PCBP3: variants seen among roughly 807,000 people sequenced by gnomAD.
PCBP3 encodes poly(rC)-binding protein 3.
Under a neutral mutation model 52.7 loss-of-function variants are expected in PCBP3, and 25 were observed. That is an observed-to-expected ratio of 0.47 (90% CI 0.35 to 0.66). PCBP3 has a LOEUF of 0.66. PCBP3 is among the 30% of genes least tolerant of loss of function. The pLI, the probability that PCBP3 is intolerant of heterozygous loss-of-function variation, is 0.01. For synonymous variants in PCBP3, 162 were observed against 183.0 expected (o/e 0.89, Z 0.93); for missense variants, 391 against 490.3 (o/e 0.80, Z 1.91).
chr21:45,784,417 TACCC>T (rs2090921068), intron 4 of PCBP3, among the ~76,000 whole-genome samples: 1 of 133,932 alleles, frequency 7.5e-6, no homozygotes, highest in African/African-American at 3.0e-5. Flanking sequence ...CCGCTACCGC[TACCC>T]CTACCTCCTA....
intron 3 of PCBP3, chr21:45,750,682 C>A (rs1351421840): frequency 6.6e-6 from 1 of 152,150 alleles, no homozygotes; most frequent in South Asian, 2.1e-4. Flanking sequence ...CTAACCTACC[C>A]AGCCCTGGAG....
rs145569370 is a variant in PCBP3 at position 45,646,724 on chromosome 21, G to A, written c.-279+2856G>A. ...TGCATTGAGGATTACATTTCAGCATGAGTTTTGGAGGGGATATTCTAATCA... is the reference window on the plus strand; with the variant it reads ...TGCATTGAGGATTACATTTCAGCATAAGTTTTGGAGGGGATATTCTAATCA... On this transcript the variant is annotated intron_variant, in intron 1 of 17. Transcript: ENST00000681687. Among the ~76,000 whole-genome samples, 566 of 152,316 alleles carry A rather than the reference G, an allele frequency of 3.7e-3. 2 individuals are homozygous for A. The highest frequency in any genetic ancestry group is 0.013 in the African/African-American group (547 of 41,570).
chr21:45,795,442 A>C (rs949625338), intron 4 of PCBP3, among the ~76,000 whole-genome samples: 67 of 152,290 alleles, frequency 4.4e-4, no homozygotes, highest in African/African-American at 1.4e-3. Flanking sequence ...CAGAAATCAT[A>C]AAGTGCAGTA....
intron 4 of PCBP3, among the ~76,000 whole-genome samples, chr21:45,832,425 C>G (rs1423801501): frequency 6.6e-6 from 1 of 152,190 alleles, no homozygotes; most frequent in East Asian, 1.9e-4. Flanking sequence ...GGGAATGCAG[C>G]CCAACAGGTC....
intron 2 of PCBP3, among the ~76,000 whole-genome samples, chr21:45,728,065 T>G (rs989044796): frequency 5.3e-5 from 8 of 152,246 alleles, no homozygotes; most frequent in Admixed American, 4.6e-4. Flanking sequence ...AGAATTAGAT[T>G]AGTTCAGCTT....
chr21:45,770,881 G>C (rs903624512), intron 4 of PCBP3, among the ~76,000 whole-genome samples: 5 of 152,232 alleles, frequency 3.3e-5, no homozygotes, highest in African/African-American at 1.2e-4. Flanking sequence ...TGCTTTTCAG[G>C]AAGGGCAGGA....
chr21:45,714,046 C>T (rs148302339), intron 2 of PCBP3, among the ~76,000 whole-genome samples: 96 of 152,304 alleles, frequency 6.3e-4, no homozygotes, highest in Non-Finnish European at 1.9e-4. Flanking sequence ...TTTGTCTTTC[C>T]TCTAAGGGCT....
chr21:45,756,068 G>T (rs1009441523), intron 4 of PCBP3, among the ~76,000 whole-genome samples: 2 of 151,984 alleles, frequency 1.3e-5, no homozygotes, highest in African/African-American at 4.8e-5. Flanking sequence ...TTTAAATTAG[G>T]TCTCTGATCT....
At chr21:45,725,926 A>G (rs896137480) in intron 2 of PCBP3, among the ~76,000 whole-genome samples, 1 of 152,114 alleles carries the variant, frequency 6.6e-6, no homozygotes, top group African/African-American at 2.4e-5. Flanking sequence ...TCAGGAGAGC[A>G]GGCCCCCTCT....
chr21:45,854,793 C>G (rs1414747792), intron 5 of PCBP3, among the ~76,000 whole-genome samples: 1 of 152,174 alleles, frequency 6.6e-6, no homozygotes, highest in Non-Finnish European at 1.5e-5. Flanking sequence ...GGAGAAGATG[C>G]TCTTTGATGA....
chr21:45,665,194 G>A (rs1192424852), intron 1 of PCBP3, among the ~76,000 whole-genome samples: 1 of 151,864 alleles, frequency 6.6e-6, no homozygotes, highest in Non-Finnish European at 1.5e-5. Flanking sequence ...TTGAGGCCAG[G>A]AGTTCAAGAC....
At chr21:45,850,795 G>A (rs532398142) in intron 5 of PCBP3, among the ~76,000 whole-genome samples, 3 of 152,324 alleles carry the variant, frequency 2.0e-5, no homozygotes, top group South Asian at 4.1e-4. Flanking sequence ...AAGTCTGTCT[G>A]TAACATAGGG....
chr21:45,676,279 A>C (rs1313249616), intron 2 of PCBP3, among the ~76,000 whole-genome samples: 1 of 152,196 alleles, frequency 6.6e-6, no homozygotes, highest in Non-Finnish European at 1.5e-5. Context: ...TTCAGGCAAA[A>C]GTTAGAATTG....
intron 2 of PCBP3, among the ~76,000 whole-genome samples, chr21:45,696,660 G>T (rs535616256): frequency 1.3e-5 from 2 of 152,040 alleles, no homozygotes; most frequent in South Asian, 4.2e-4. Context: ...GCATGGTGGC[G>T]CACGCCTGTA....
At position 45,896,297 on chromosome 21, in the gene PCBP3, G is replaced by C; in HGVS notation, c.100G>C (p.Glu34Gln). ...TCAGCCACAATTTGGCAGAAGGATG[G>C]AGTCCAAGGTCTCAGAAGGTGGCCT... Reference protein sequence around the residue: ...HPQPQFGRRMESKVSEGGLNV... With the variant: ...HPQPQFGRRMQSKVSEGGLNV... Residue 34 changes from glutamate to glutamine, a missense_variant, in exon 6 of 18, where the codon GAG becomes CAG. By Grantham distance (29) the Glu-to-Gln change is conservative. Coordinates refer to ENST00000681687, the MANE Select transcript of PCBP3 (RefSeq NM_001384156.1). 6.4e-7 allele frequency: 1 copy of C among 1,552,236 alleles called. No individual in the cohort carries two copies. The highest frequency in any genetic ancestry group is 8.7e-7 in the Non-Finnish European group (1 of 1,147,136).
In PCBP3 at chr21:45,805,110, C is replaced by A. The variant is rs532110784; in HGVS notation, c.-125-44851C>A. 6.6e-6 allele frequency among the ~76,000 whole-genome samples: 1 copy of A among 152,298 alleles called. No homozygotes were observed. Among genetic ancestry groups the A allele is most frequent in the African/African-American group, 2.4e-5 (1 of 41,572 alleles). The stretch of plus-strand genomic sequence containing the variant: ...CAGGCCGTGTGTGGGAAGGCCTGTG[C>A]CACTCTGGGCATCGTCATCTTGGGC... On this transcript the variant is annotated intron_variant, in intron 4 of 17. Transcript: ENST00000681687. This position sits in a 1 kb window ranked among gnomAD's most constrained non-coding sequence, Gnocchi z 4.6.
chr21:45,817,353 G>A lies in PCBP3; in HGVS notation c.-125-32608G>A, dbSNP rs1461261584. ...CTCGTGGTACCACATGACATTTAGC[G>A]TGTCTGTTCACCTCATACTCCCCAG... On this transcript the variant is annotated intron_variant, in intron 4 of 17. Transcript: ENST00000681687. This position sits in a 1 kb window ranked among gnomAD's most constrained non-coding sequence, Gnocchi z 4.3. 5.3e-5 allele frequency among the ~76,000 whole-genome samples: 8 copies of A among 152,170 alleles called. No individual in the cohort carries two copies. The highest frequency in any genetic ancestry group is 1.9e-4 in the East Asian group (1 of 5,190).
chr21:45,675,047 G>T (rs2081382888), intron 2 of PCBP3, among the ~76,000 whole-genome samples: 1 of 152,230 alleles, frequency 6.6e-6, no homozygotes, highest in East Asian at 1.9e-4. Context: ...CCTGTGGAGT[G>T]CCTCTGTTGT....
At chr21:45,879,810 C>G (rs1393812811) in intron 5 of PCBP3, among the ~76,000 whole-genome samples, 1 of 151,538 alleles carries the variant, frequency 6.6e-6, no homozygotes, top group Admixed American at 6.6e-5. Flanking sequence ...ATCAGTGCCT[C>G]TAGAGAAATT....
Sources: gnomAD v4.1 joint callset for allele counts (sites outside exome capture counted in the v4.1 genomes callset) on GRCh38, gnomAD v4.1.1 for gene constraint, Gnocchi (gnomAD v3.1) non-coding constraint, MANE v1.5 for transcripts, NCBI Gene and HGNC (gene_info 2026-07-23, HGNC 2026-07-21) for gene names.